The following SUDS3 variants were observed in gnomAD, a reference collection of about 807,000 sequenced individuals.
The protein encoded by SUDS3 is sin3 histone deacetylase corepressor complex component SDS3.
Under a neutral mutation model 53.5 loss-of-function variants are expected in SUDS3, and 23 were observed. That is an observed-to-expected ratio of 0.43 (90% confidence interval 0.31 to 0.61). The LOEUF is 0.61. Among genes scored for constraint, SUDS3 ranks in the 20% least tolerant of loss-of-function variants. SUDS3 has a pLI of 0.10. For synonymous variants in SUDS3, 150 were observed against 148.5 expected (o/e 1.01, Z -0.08); for missense variants, 291 against 405.9 (o/e 0.72, Z 2.43).
At chr12:118,383,053 A>T (rs919709431) in intron 2 of SUDS3, among the ~76,000 whole-genome samples, 4 of 152,150 alleles carry the variant, frequency 2.6e-5, no homozygotes, top group Admixed American at 2.0e-4. Context: ...AGTGCATCAG[A>T]ATTTGCCCTG....
At position 118,417,527 on chromosome 12, in the gene SUDS3, A is replaced by G. The variant is rs1158552881; in HGVS notation, c.*3094A>G. 2 of 151,902 alleles carry G rather than the reference A, an allele frequency of 1.3e-5. No individual in the cohort carries two copies. Among genetic ancestry groups the G allele is most frequent in the African/African-American group, 4.8e-5 (2 of 41,338 alleles). 9.4% of individuals were successfully genotyped at this position (151,902 alleles called of 1,614,324 possible). A position where few individuals can be genotyped will look rare whatever the true frequency, so the allele number is the denominator to read the frequency against. The stretch of plus-strand genomic sequence containing the variant: ...TTGAAATCTCGGTGCTTACTGTTAC[A>G]CCAATTTGTCCAAAGAGTTGAAATC... On this transcript the variant is annotated 3_prime_UTR_variant, in exon 12 of 12. Transcript: ENST00000543473.
chr12:118,402,176 T>A, intron 9 of SUDS3, 172 bp downstream of exon 9: 1 of 626,074 alleles, frequency 1.6e-6, no homozygotes, highest in Non-Finnish European at 2.8e-6. Flanking sequence ...CCTCCCTGAT[T>A]TCTTTTTTTT....
At chr12:118,405,325 C>T (rs2141386990) in intron 10 of SUDS3, among the ~76,000 whole-genome samples, 1 of 152,250 alleles carries the variant, frequency 6.6e-6, no homozygotes, top group Non-Finnish European at 1.5e-5. Flanking sequence ...TGCTTTGAAT[C>T]TTCCTCTTTC....
intron 11 of SUDS3, among the ~76,000 whole-genome samples, chr12:118,412,906 G>A (rs904476754): frequency 3.3e-5 from 5 of 152,076 alleles, no homozygotes; most frequent in African/African-American, 1.2e-4. Context: ...TGGGGAAACC[G>A]TTCTCATTTC....
chr12:118,376,849 C>A lies in SUDS3; in HGVS notation c.142+16C>A. The A allele has an allele frequency of 6.6e-7, 1 of 1,512,278 alleles. No homozygotes were observed. The highest frequency in any genetic ancestry group is 1.2e-5 in the South Asian group (1 of 81,132). 93.7% of individuals were successfully genotyped at this position (1,512,278 alleles called of 1,614,324 possible). A position where few individuals can be genotyped will look rare whatever the true frequency, so the allele number is the denominator to read the frequency against. On this transcript the variant is annotated intron_variant, in intron 1 of 11. Coordinates refer to ENST00000543473, the MANE Select transcript of SUDS3 (RefSeq NM_022491.3). ...TCGGACGAAGGTGAGTCCTGCCGCT[C>A]GCCCGGCCGCCCGGAGCGGAGGTGG...
chr12:118,397,242 C>T (rs1162396384), intron 6 of SUDS3, among the ~76,000 whole-genome samples: 8 of 151,956 alleles, frequency 5.3e-5, no homozygotes, highest in African/African-American at 1.7e-4. Context: ...GTTGTCACAC[C>T]CCAGGGTCTG....
intron 1 of SUDS3, 28 bp from the exon 2 acceptor site, chr12:118,380,134 C>T: frequency 6.3e-7 from 1 of 1,580,652 alleles, no homozygotes; most frequent in Non-Finnish European, 8.6e-7. Flanking sequence ...ATGATTTTAA[C>T]TAGCCCCTAT....
chr12:118,387,168 T>C (rs746501022), intron 4 of SUDS3, among the ~76,000 whole-genome samples: 11 of 152,210 alleles, frequency 7.2e-5, no homozygotes, highest in Non-Finnish European at 1.5e-4. Flanking sequence ...GCCCCAGCTA[T>C]TAGCTGTCTG....
At position 118,388,131 on chromosome 12, in the gene SUDS3, A is replaced by G. The variant is rs528940863; in HGVS notation, c.341-1796A>G. 3.0e-4 allele frequency among the ~76,000 whole-genome samples: 45 copies of G among 152,320 alleles called. No individual in the cohort carries two copies. The South Asian group carries it at 8.5e-3, about 29-fold the overall frequency. ...CTGAAGCTGTTATAGGAATGATCAC[A>G]TTGGGTTGGGTGTGCCTGGGTTCCT... On this transcript the variant is annotated intron_variant, in intron 4 of 11. Transcript: ENST00000543473.
intron 5 of SUDS3, among the ~76,000 whole-genome samples, chr12:118,390,695 A>T (rs1049604862): frequency 3.9e-5 from 6 of 152,154 alleles, no homozygotes; most frequent in Non-Finnish European, 7.3e-5. Context: ...TTAGTATAAT[A>T]TCAATATATG....
intron 5 of SUDS3, among the ~76,000 whole-genome samples, chr12:118,390,548 A>C (rs1593761609): frequency 1.3e-5 from 2 of 152,072 alleles, no homozygotes; most frequent in Admixed American, 6.5e-5. Flanking sequence ...GCCCATAGTC[A>C]CTCAGCCAGA....
At chr12:118,389,809 C>A in intron 4 of SUDS3, 118 bp from the exon 5 acceptor site, 1 of 1,236,214 alleles carries the variant, frequency 8.1e-7, no homozygotes, top group Non-Finnish European at 1.2e-6. Flanking sequence ...CTGATGAAAA[C>A]ATTTGCTTTG....
At chr12:118,414,164 G>A (rs2046381108) in intron 11 of SUDS3, among the ~76,000 whole-genome samples, 171 bp from the exon 12 acceptor site, 1 of 152,198 alleles carries the variant, frequency 6.6e-6, no homozygotes, top group Admixed American at 6.5e-5. Context: ...GCCTTTAGAT[G>A]GCCCGAGGTC....
chr12:118,382,924 T>A (rs757168637), intron 2 of SUDS3, among the ~76,000 whole-genome samples: 6 of 152,056 alleles, frequency 3.9e-5, no homozygotes, highest in Non-Finnish European at 8.8e-5. Flanking sequence ...CGCCTCGGCC[T>A]CCTAAAGTGC....
At chr12:118,399,855 A>G (rs561714150) in intron 6 of SUDS3, among the ~76,000 whole-genome samples, 1 of 152,302 alleles carries the variant, frequency 6.6e-6, no homozygotes, top group East Asian at 1.9e-4. Flanking sequence ...TCAGGTATCT[A>G]TTGCCATTCA....
intron 4 of SUDS3, among the ~76,000 whole-genome samples, chr12:118,387,750 C>G (rs2046128197): frequency 6.6e-6 from 1 of 152,120 alleles, no homozygotes; most frequent in Admixed American, 6.5e-5. Context: ...AGGTTTTCAC[C>G]ATGTTGGCCA....
chr12:118,401,484 T>C (rs1189412096), intron 7 of SUDS3, among the ~76,000 whole-genome samples: 1 of 152,228 alleles, frequency 6.6e-6, no homozygotes, highest in Admixed American at 6.5e-5. Flanking sequence ...ATGAAATTCT[T>C]ATTTTACTGT....
At chr12:118,396,697 G>C (rs906121279) in intron 6 of SUDS3, among the ~76,000 whole-genome samples, 5 of 152,248 alleles carry the variant, frequency 3.3e-5, no homozygotes, top group African/African-American at 1.2e-4. Flanking sequence ...CAGGTATGCT[G>C]TTGGAAATGA....
At chr12:118,390,906 T>C in intron 5 of SUDS3, 1 of 621,682 alleles carries the variant, frequency 1.6e-6, no homozygotes, top group Non-Finnish European at 3.0e-6. Flanking sequence ...CGAAAAAATA[T>C]CTGGGTAGCA....
Sources: gnomAD v4.1 joint callset for allele counts (sites outside exome capture counted in the v4.1 genomes callset) on GRCh38, gnomAD v4.1.1 for gene constraint, MANE v1.5 for transcripts, NCBI Gene and HGNC (gene_info 2026-07-23, HGNC 2026-07-21) for gene names.